Variants in NRXN3 observed in about 807,000 individuals in gnomAD.
NRXN3 encodes the protein neurexin III.
Under a neutral mutation model 137.6 loss-of-function variants are expected in NRXN3, and 32 were observed. That is an observed-to-expected ratio of 0.23 (90% CI 0.18 to 0.31). The LOEUF (loss-of-function observed/expected upper bound fraction) is 0.31, where lower values mean the gene tolerates loss of function less well. Ranked by LOEUF, NRXN3 falls within the 10% of genes least tolerant of loss-of-function variation. The pLI is 1.00. For synonymous variants in NRXN3, 798 were observed against 784.5 expected (o/e 1.02, Z -0.29); for missense variants, 1,574 against 2,062.5 (o/e 0.76, Z 4.59).
intron 2 of NRXN3, among the ~76,000 whole-genome samples, chr14:78,247,439 A>G (rs1644254596): frequency 6.6e-6 from 1 of 152,148 alleles, no homozygotes; most frequent in South Asian, 2.1e-4. Flanking sequence ...GGAAAACTTT[A>G]TTCCAAAACA....
chr14:78,651,176 T>C lies in NRXN3; in HGVS notation c.1071T>C (p.Ser357=). ...TGTCCCTCCACCAGGTGACAATCTC[T>C]GTGGATGGCATTCTTACCACGACGG... is the stretch of plus-strand genomic sequence containing the variant. ...VTRNLRQVTI[S]VDGILTTTGY... Residue 357 remains serine (S), a synonymous_variant, in exon 6 of 21, where the codon TCT becomes TCC. Transcript: ENST00000335750. 6.2e-7 allele frequency: 1 copy of C among 1,613,686 alleles called. No homozygotes were observed. Among genetic ancestry groups the C allele is most frequent in the Non-Finnish European group, 8.5e-7 (1 of 1,179,680 alleles).
chr14:78,490,467 T>C (rs2095646154), intron 4 of NRXN3, among the ~76,000 whole-genome samples: 1 of 152,212 alleles, frequency 6.6e-6, no homozygotes, highest in African/African-American at 2.4e-5. Context: ...GGTTTTGCTG[T>C]ACCCATGTAT....
chr14:79,257,481 ATGGTGGTGATGG>A (rs2076862328), intron 15 of NRXN3, among the ~76,000 whole-genome samples: 3 of 7,154 alleles, frequency 4.2e-4, no homozygotes, highest in Admixed American at 2.2e-3. Flanking sequence ...GATGGTGGTG[ATGGTGGTGATGG>A]TGGTGGTGGT....
At chr14:79,370,285 C>T (rs1006670057) in intron 15 of NRXN3, among the ~76,000 whole-genome samples, 8 of 149,326 alleles carry the variant, frequency 5.4e-5, no homozygotes, top group South Asian at 2.1e-4. Context: ...TAAAGTTTAT[C>T]GGGTTTTTTT....
At chr14:79,626,933 C>T (rs2098288304) in intron 16 of NRXN3, among the ~76,000 whole-genome samples, 2 of 152,076 alleles carry the variant, frequency 1.3e-5, no homozygotes, top group Non-Finnish European at 2.9e-5. Flanking sequence ...TGGACTGGCC[C>T]ATTATCAGAC....
intron 1 of NRXN3, among the ~76,000 whole-genome samples, chr14:78,209,324 G>A (rs1284881888): frequency 6.6e-6 from 1 of 152,132 alleles, no homozygotes; most frequent in Non-Finnish European, 1.5e-5. Flanking sequence ...GGATTGCGGA[G>A]CAGGGCTGAA....
intron 4 of NRXN3, among the ~76,000 whole-genome samples, chr14:78,547,838 C>T (rs568140596): frequency 1.1e-4 from 17 of 152,098 alleles, no homozygotes; most frequent in Admixed American, 1.0e-3. Flanking sequence ...AGGAAGAGCA[C>T]TGTCAATCTA....
intron 4 of NRXN3, among the ~76,000 whole-genome samples, chr14:78,431,539 T>C (rs1403635146): frequency 1.3e-5 from 2 of 152,168 alleles, no homozygotes; most frequent in Non-Finnish European, 2.9e-5. Context: ...GTATAAATCT[T>C]TTGTGTAGGC....
intron 4 of NRXN3, among the ~76,000 whole-genome samples, chr14:78,491,256 C>T (rs1289408532): frequency 6.6e-6 from 1 of 152,030 alleles, no homozygotes; most frequent in African/African-American, 2.4e-5. Context: ...CTGCATTGTG[C>T]CCTTCATTTT....
At chr14:78,510,844 A>G (rs1301176127) in intron 4 of NRXN3, among the ~76,000 whole-genome samples, 1 of 152,146 alleles carries the variant, frequency 6.6e-6, no homozygotes, top group Non-Finnish European at 1.5e-5. Context: ...TAACACTGAT[A>G]TTTTACCTTG....
intron 15 of NRXN3, among the ~76,000 whole-genome samples, chr14:79,168,522 T>C (rs1040642512): frequency 1.3e-5 from 2 of 152,058 alleles, no homozygotes; most frequent in Non-Finnish European, 2.9e-5. Context: ...TTAAATTTTT[T>C]AGGTGCTTTT....
intron 4 of NRXN3, among the ~76,000 whole-genome samples, chr14:78,495,095 T>TG (rs2095750574): frequency 1.3e-5 from 2 of 149,760 alleles, no homozygotes; most frequent in Non-Finnish European, 3.0e-5. Context: ...TTTTTTTTTT[T>TG]TTTTGTCAAA....
At chr14:79,463,047 G>T (rs1000875447) in intron 15 of NRXN3, among the ~76,000 whole-genome samples, 1 of 152,028 alleles carries the variant, frequency 6.6e-6, no homozygotes. Context: ...ATGCCATAAA[G>T]GCAGGGCCAG....
intron 15 of NRXN3, chr14:79,279,458 C>A: frequency 1.0e-6 from 1 of 986,178 alleles, no homozygotes; most frequent in Non-Finnish European, 1.2e-6. Context: ...TGCAGCCTGC[C>A]AGGCACCTCC....
chr14:78,668,847 G>A (rs1024209816), intron 6 of NRXN3, among the ~76,000 whole-genome samples: 12 of 151,996 alleles, frequency 7.9e-5, no homozygotes, highest in Non-Finnish European at 1.5e-4. Context: ...GGCCCCAGAG[G>A]GTTAGTTTGC....
intron 4 of NRXN3, among the ~76,000 whole-genome samples, chr14:78,562,396 CAAAAAAAAAAAAA>C (rs752464669): frequency 2.0e-5 from 1 of 49,470 alleles, no homozygotes; most frequent in African/African-American, 6.6e-5. Flanking sequence ...ACTTATATCT[CAAAAAAAAAAAAA>C]AAAAAAAAAA....
intron 4 of NRXN3, among the ~76,000 whole-genome samples, chr14:78,464,884 C>G (rs1163572540): frequency 6.6e-6 from 1 of 152,160 alleles, no homozygotes; most frequent in African/African-American, 2.4e-5. Context: ...CCTCCGAATT[C>G]TCAGTCGTAT....
intron 16 of NRXN3, among the ~76,000 whole-genome samples, chr14:79,630,679 T>C (rs1169521084): frequency 2.0e-5 from 3 of 152,188 alleles, no homozygotes; most frequent in African/African-American, 4.8e-5. Context: ...TTCTTTGTTG[T>C]CCTATTTTAT....
At chr14:79,251,470 A>G (rs1328403170) in intron 15 of NRXN3, among the ~76,000 whole-genome samples, 1 of 152,176 alleles carries the variant, frequency 6.6e-6, no homozygotes, top group Non-Finnish European at 1.5e-5. Flanking sequence ...ACAGTATACA[A>G]CGTACAATAA....
Sources: allele counts gnomAD v4.1 joint callset (sites outside exome capture counted in the v4.1 genomes callset), GRCh38; gene constraint gnomAD v4.1.1; transcripts MANE v1.5; gene names NCBI Gene and HGNC (gene_info 2026-07-23, HGNC 2026-07-21).